WWOX: variants seen among roughly 807,000 people sequenced by gnomAD.
WWOX encodes WW domain containing oxidoreductase, also known as WW domain-containing oxidoreductase.
A neutral mutation model predicts 46.2 loss-of-function variants in WWOX; 69 were observed. The ratio of observed to expected loss-of-function variants is 1.49; its 90% confidence interval spans 1.23 to 1.82. The LOEUF (loss-of-function observed/expected upper bound fraction) is 1.82, where lower values mean the gene tolerates loss of function less well. Among genes scored for constraint, WWOX ranks in the 40% most tolerant of loss-of-function variants. WWOX has a pLI of 0.00. For missense variants in WWOX, 919 were observed against 542.6 expected, an observed-to-expected ratio of 1.69 and a Z score of -6.89; for synonymous variants, 359 against 202.6, an observed-to-expected ratio of 1.77 and a Z score of -6.56.
At chr16:78,298,696 C>G (rs573199772) in intron 5 of WWOX, among the ~76,000 whole-genome samples, 3 of 151,602 alleles carry the variant, frequency 2.0e-5, no homozygotes, top group Admixed American at 1.3e-4. Context: ...GAGGCTGAGG[C>G]AGGAGAATCG....
At chr16:78,361,285 G>C (rs545194196) in intron 5 of WWOX, among the ~76,000 whole-genome samples, 2 of 152,290 alleles carry the variant, frequency 1.3e-5, no homozygotes, top group East Asian at 3.9e-4. Flanking sequence ...ATCTCAGGTA[G>C]AACATAATGT....
In WWOX at chr16:78,539,038, G is replaced by A. The variant is rs538293098; in HGVS notation, c.1056+106286G>A. Among the ~76,000 whole-genome samples the A allele has an allele frequency of 3.3e-5, 5 of 152,334 alleles. No homozygotes were observed. The East Asian group carries it at 9.6e-4, about 29-fold the overall frequency. ...GGTAAGGAAGCAATTCAGAGAACAT[G>A]GAAGCATCTCATGGCAGCAGTCACA... On this transcript the variant is annotated intron_variant, in intron 8 of 8. Transcript: ENST00000566780.
chr16:78,388,771 A>G (rs2082114169), intron 6 of WWOX, among the ~76,000 whole-genome samples: 1 of 151,466 alleles, frequency 6.6e-6, no homozygotes, highest in Non-Finnish European at 1.5e-5. Context: ...GGAGTTCGAG[A>G]CCAGCCTGGG....
At chr16:78,631,439 G>A (rs182083254) in intron 8 of WWOX, among the ~76,000 whole-genome samples, 76 of 152,092 alleles carry the variant, frequency 5.0e-4, no homozygotes, top group African/African-American at 1.8e-3. Flanking sequence ...AATTAGGACA[G>A]ATGTATGACT....
At chr16:79,024,242 AATTTT>A (rs2047592317) in intron 8 of WWOX, among the ~76,000 whole-genome samples, 1 of 152,212 alleles carries the variant, frequency 6.6e-6, no homozygotes, top group Middle Eastern at 3.4e-3. Flanking sequence ...TAAGTGGGTG[AATTTT>A]ATTTTATGTC....
intron 8 of WWOX, among the ~76,000 whole-genome samples, chr16:78,500,132 C>T (rs1456440671): frequency 2.0e-5 from 3 of 152,174 alleles, no homozygotes; most frequent in African/African-American, 7.2e-5. Context: ...AATGCATGAG[C>T]TCATTTTGAG....
chr16:78,164,187 C>T lies in WWOX; in HGVS notation c.414C>T (p.Phe138=), dbSNP rs767693780. Reference sequence around the variant, plus strand: ...TGACTTTCCTTTAAACCATAGGGTTCGAAACCGCCAAGTCTTTTGCCCTCC... The same window carrying T: ...TGACTTTCCTTTAAACCATAGGGTTTGAAACCGCCAAGTCTTTTGCCCTCC... ...VVTGANSGIG[F]ETAKSFALHG... is the part of the protein sequence containing the mutation. The change falls in exon 5 of 9, where the codon TTC becomes TTT. Residue 138 remains phenylalanine, a synonymous_variant. Transcript: ENST00000566780. The T allele has an allele frequency of 1.1e-5, 18 of 1,613,708 alleles. No homozygotes were observed. Among genetic ancestry groups the T allele is most frequent in the Admixed American group, 3.3e-5 (2 of 59,962 alleles).
At chr16:78,770,715 G>T (rs1023488566) in intron 8 of WWOX, among the ~76,000 whole-genome samples, 1 of 140,960 alleles carries the variant, frequency 7.1e-6, no homozygotes, top group African/African-American at 2.7e-5. Flanking sequence ...TGGGAGCTTC[G>T]CACCAGAACC....
At chr16:78,900,735 C>T (rs1171828237) in intron 8 of WWOX, among the ~76,000 whole-genome samples, 1 of 151,852 alleles carries the variant, frequency 6.6e-6, no homozygotes, top group South Asian at 2.1e-4. Flanking sequence ...AAAAACAATT[C>T]TACTAGTACC....
In WWOX at chr16:79,136,141, G is replaced by A. The variant is rs577269320; in HGVS notation, c.1057-75467G>A. Among the ~76,000 whole-genome samples, 8 of 152,036 alleles carry A rather than the reference G, an allele frequency of 5.3e-5. No individual in the cohort carries two copies. The East Asian group carries it at 1.5e-3, about 29-fold the overall frequency. On this transcript the variant is annotated intron_variant, in intron 8 of 8. Coordinates refer to ENST00000566780, the MANE Select transcript of WWOX (RefSeq NM_016373.4). ...AGCTAGTCAACGTCCAACTGCCAATGTTGCCTGAACAGGAAATATTTATAC... is the reference window on the plus strand; with the variant it reads ...AGCTAGTCAACGTCCAACTGCCAATATTGCCTGAACAGGAAATATTTATAC...
chr16:79,004,708 G>T (rs929945681), intron 8 of WWOX: 2 of 152,194 alleles, frequency 1.3e-5, no homozygotes, highest in Non-Finnish European at 2.9e-5. Context: ...TCACGGGAAG[G>T]TATTAAATGT....
chr16:78,976,738 C>T (rs1422012407), intron 8 of WWOX, among the ~76,000 whole-genome samples: 1 of 152,214 alleles, frequency 6.6e-6, no homozygotes, highest in East Asian at 1.9e-4. Flanking sequence ...CTATCTTCCC[C>T]ACTCTAGGTC....
At chr16:78,671,589 A>G (rs1011482683) in intron 8 of WWOX, among the ~76,000 whole-genome samples, 4 of 152,128 alleles carry the variant, frequency 2.6e-5, no homozygotes, top group African/African-American at 4.8e-5. Flanking sequence ...CGGTACTCTC[A>G]GAGCCCTGAT....
chr16:78,448,868 G>T (rs988972314), intron 8 of WWOX, among the ~76,000 whole-genome samples: 11 of 152,048 alleles, frequency 7.2e-5, no homozygotes, highest in African/African-American at 1.7e-4. Context: ...CTGGTGAGGG[G>T]GCTGTTTAGC....
intron 8 of WWOX, among the ~76,000 whole-genome samples, chr16:78,927,668 A>C (rs2045529635): frequency 6.6e-6 from 1 of 152,234 alleles, no homozygotes; most frequent in Non-Finnish European, 1.5e-5. Flanking sequence ...TAATTAAGGC[A>C]TAATTATCAG....
At chr16:78,851,428 AGTTATTTAATT>A (rs2052440448) in intron 8 of WWOX, among the ~76,000 whole-genome samples, 1 of 152,236 alleles carries the variant, frequency 6.6e-6, no homozygotes, top group Non-Finnish European at 1.5e-5. Context: ...TGACATTGTA[AGTTATTTAATT>A]GGCAAATGAT....
At chr16:78,946,379 C>T (rs1367305051) in intron 8 of WWOX, among the ~76,000 whole-genome samples, 2 of 151,888 alleles carry the variant, frequency 1.3e-5, no homozygotes, top group Non-Finnish European at 1.5e-5. Context: ...TTAGTAGAGA[C>T]GGGGTTTCAC....
chr16:78,486,518 C>G (rs111731847), intron 8 of WWOX, among the ~76,000 whole-genome samples: 2 of 151,616 alleles, frequency 1.3e-5, no homozygotes, highest in Non-Finnish European at 2.9e-5. Context: ...GCCAGTCGGA[C>G]CTGGTTGTTG....
intron 8 of WWOX, among the ~76,000 whole-genome samples, chr16:78,606,086 G>C (rs1032547775): frequency 8.5e-5 from 13 of 152,182 alleles, no homozygotes; most frequent in African/African-American, 3.1e-4. Flanking sequence ...ACACTGTTCA[G>C]TTTACGCTTA....
Sources: gnomAD v4.1 joint callset for allele counts (sites outside exome capture counted in the v4.1 genomes callset) on GRCh38, gnomAD v4.1.1 for gene constraint, MANE v1.5 for transcripts, NCBI Gene and HGNC (gene_info 2026-07-23, HGNC 2026-07-21) for gene names.